The following BANK1 variants were observed in gnomAD, a reference collection of about 807,000 sequenced individuals.
The protein encoded by BANK1 is B-cell scaffold protein with ankyrin repeats.
In BANK1, 95 loss-of-function variants were observed where a neutral mutation model predicts 94.5. The observed-to-expected ratio is 1.00, with a 90% confidence interval of 0.85 to 1.19. The LOEUF is 1.19. Among genes scored for constraint, BANK1 ranks in the 50% most tolerant of loss-of-function variants. BANK1 has a pLI of 0.00. For missense variants in BANK1, 987 were observed against 932.2 expected, an observed-to-expected ratio of 1.06 and a Z score of -0.77; for synonymous variants, 334 against 308.4, an observed-to-expected ratio of 1.08 and a Z score of -0.87.
At chr4:102,044,600 T>G (rs1324193142) in intron 11 of BANK1, among the ~76,000 whole-genome samples, 1 of 122,902 alleles carries the variant, frequency 8.1e-6, no homozygotes, top group Non-Finnish European at 1.7e-5. Context: ...CCCTGAGGAA[T>G]CGCCACACTG....
rs1207483382 is a variant in BANK1 at position 101,988,093 on chromosome 4, T to C, written c.1207-33421T>C. On this transcript the variant is annotated intron_variant, in intron 7 of 16. Transcript: ENST00000322953. The stretch of plus-strand genomic sequence containing the variant: ...CTTCTTGAGTTAAGCCCCTGAGATG[T>C]TTGTGGTTGCTACCAAAACCGAGCT... Among the ~76,000 whole-genome samples, 6 of 152,170 alleles carry C rather than the reference T, an allele frequency of 3.9e-5. 1 individual carries two copies. Among genetic ancestry groups the C allele is most frequent in the Admixed American group, 3.9e-4 (6 of 15,264 alleles).
intron 7 of BANK1, among the ~76,000 whole-genome samples, chr4:102,015,871 T>G (rs1726681777): frequency 6.6e-6 from 1 of 152,206 alleles, no homozygotes; most frequent in Non-Finnish European, 1.5e-5. Flanking sequence ...ATTATTTTTC[T>G]AAAATACGGG....
intron 7 of BANK1, among the ~76,000 whole-genome samples, chr4:101,986,873 ATGTGTGTGTGTGTGTGTGTGTGTGTG>A (rs1164357630): frequency 2.1e-5 from 1 of 46,892 alleles, no homozygotes; most frequent in Non-Finnish European, 4.0e-5. Flanking sequence ...ATATGTGTGT[ATGTGTGTGTGTGTGTGTGTGTGTGTG>A]TATATATATA....
chr4:101,982,671 A>G (rs1396849082), intron 7 of BANK1, among the ~76,000 whole-genome samples: 2 of 151,984 alleles, frequency 1.3e-5, no homozygotes, highest in Non-Finnish European at 2.9e-5. Flanking sequence ...GGATTATCAT[A>G]TATTTTACTA....
chr4:102,064,309 G>T (rs891819996), intron 13 of BANK1, among the ~76,000 whole-genome samples: 6 of 152,086 alleles, frequency 3.9e-5, no homozygotes, highest in African/African-American at 1.4e-4. Flanking sequence ...AATAATTAAG[G>T]TCATAAAGAC....
At position 101,994,879 on chromosome 4, in the gene BANK1, CA is replaced by C. The variant is rs369242502; in HGVS notation, c.1207-26628del. 5.6e-3 allele frequency among the ~76,000 whole-genome samples: 857 copies of C among 152,116 alleles called. 9 individuals carry two copies. The highest frequency in any genetic ancestry group is 0.019 in the African/African-American group (793 of 41,514). ...CATTTTACAAGGTTTATAACAACAA[CA>C]AAAAAAGTTGTCTCTTTTTTTATCC... On this transcript the variant is annotated intron_variant, in intron 7 of 16. Transcript: ENST00000322953.
chr4:101,881,993 G>A (rs1262078257), intron 5 of BANK1, among the ~76,000 whole-genome samples: 2 of 151,938 alleles, frequency 1.3e-5, no homozygotes, highest in Non-Finnish European at 2.9e-5. Flanking sequence ...GAATGAATAA[G>A]ACCTAATATT....
intron 15 of BANK1, among the ~76,000 whole-genome samples, chr4:102,072,706 T>TAA (rs1728799323): frequency 6.6e-6 from 1 of 152,218 alleles, no homozygotes; most frequent in Non-Finnish European, 1.5e-5. Context: ...AGAAATATGA[T>TAA]AAGTCTACTG....
intron 7 of BANK1, among the ~76,000 whole-genome samples, chr4:101,986,777 T>C (rs1725493171): frequency 2.0e-5 from 2 of 98,752 alleles, no homozygotes; most frequent in African/African-American, 6.4e-5. Flanking sequence ...AGGTTTTAAA[T>C]TATATATGTG....
intron 1 of BANK1, among the ~76,000 whole-genome samples, chr4:101,792,151 A>G (rs1363916335): frequency 2.0e-5 from 3 of 152,188 alleles, no homozygotes; most frequent in Non-Finnish European, 4.4e-5. Context: ...TTCACTTGAT[A>G]CTAAGCAATA....
intron 11 of BANK1, among the ~76,000 whole-genome samples, chr4:102,058,776 T>C (rs1337158610): frequency 6.7e-6 from 1 of 149,234 alleles, no homozygotes; most frequent in African/African-American, 2.5e-5. Flanking sequence ...AGAAAGCCTC[T>C]CTGTTGAATG....
intron 7 of BANK1, among the ~76,000 whole-genome samples, chr4:101,971,838 G>A (rs922290768): frequency 3.3e-5 from 5 of 151,922 alleles, no homozygotes; most frequent in Non-Finnish European, 5.9e-5. Context: ...TGTTCCATTC[G>A]TTGATACCTT....
chr4:101,871,468 T>C (rs772187962), intron 5 of BANK1, among the ~76,000 whole-genome samples: 7 of 152,126 alleles, frequency 4.6e-5, no homozygotes, highest in South Asian at 2.1e-4. Context: ...TGAAGCTTTA[T>C]GTGTTTAAAC....
chr4:101,879,782 C>T (rs1037715740), intron 5 of BANK1, among the ~76,000 whole-genome samples: 1 of 151,984 alleles, frequency 6.6e-6, no homozygotes, highest in African/African-American at 2.4e-5. Context: ...AAGGATGTTT[C>T]AAAATATGCA....
At chr4:101,890,512 C>G (rs1280819725) in intron 5 of BANK1, among the ~76,000 whole-genome samples, 1 of 150,080 alleles carries the variant, frequency 6.7e-6, no homozygotes, top group African/African-American at 2.4e-5. Context: ...CATGCTATAT[C>G]TGTTTTATTC....
chr4:101,941,313 A>G (rs1016366475), intron 7 of BANK1, among the ~76,000 whole-genome samples: 42 of 151,734 alleles, frequency 2.8e-4, no homozygotes, highest in African/African-American at 9.9e-4. Flanking sequence ...ATCATTTCTC[A>G]AGGAGCTCTG....
rs552772996 is a variant in BANK1, at chr4:101,838,882, A to G, written c.469+8676A>G. 2.0e-5 allele frequency among the ~76,000 whole-genome samples: 3 copies of G among 152,312 alleles called. 1 individual carries two copies. The highest frequency in any genetic ancestry group is 6.8e-3 in the Middle Eastern group (2 of 294). ...ACATCAGTAACATTTTCTTGTTCAC[A>G]CGTATTTATGCTGGAAGTTAAGGTA... On this transcript the variant is annotated intron_variant, in intron 2 of 16. Transcript: ENST00000322953.
chr4:102,061,054 A>G (rs1386174), intron 12 of BANK1, among the ~76,000 whole-genome samples: 44,233 of 152,026 alleles, frequency 0.29, 7,898 homozygotes, highest in South Asian at 0.44. Flanking sequence ...TATTTTAACA[A>G]TTTTTTTCTT....
intron 7 of BANK1, among the ~76,000 whole-genome samples, chr4:101,982,398 C>G (rs990448205): frequency 2.2e-4 from 34 of 151,910 alleles, no homozygotes; most frequent in African/African-American, 8.2e-4. Flanking sequence ...TATTAGTGGC[C>G]TGAAATGCCT....
Sources: allele counts gnomAD v4.1 joint callset (sites outside exome capture counted in the v4.1 genomes callset), GRCh38; gene constraint gnomAD v4.1.1; transcripts MANE v1.5; gene names NCBI Gene and HGNC (gene_info 2026-07-23, HGNC 2026-07-21).